The following TAFA1 variants were observed in gnomAD, a reference collection of about 807,000 sequenced individuals.
TAFA1 encodes chemokine-like protein TAFA-1.
TAFA1 carries 4 observed loss-of-function variants against 18.5 expected under a neutral mutation model. That is an observed-to-expected ratio of 0.22 (90% CI 0.11 to 0.49). TAFA1 has a LOEUF of 0.49. Ranked by LOEUF, TAFA1 falls within the 20% of genes least tolerant of loss-of-function variation. The pLI is 0.98. For synonymous variants in TAFA1, 56 were observed against 55.2 expected, an observed-to-expected ratio of 1.01 and a Z score of -0.06; for missense variants, 147 against 169.0, an observed-to-expected ratio of 0.87 and a Z score of 0.72.
At chr3:68,450,072 A>G (rs942055618) in intron 3 of TAFA1, among the ~76,000 whole-genome samples, 5 of 152,182 alleles carry the variant, frequency 3.3e-5, no homozygotes, top group African/African-American at 1.2e-4. Context: ...GCCATGATCC[A>G]CACAAGGAAT....
At chr3:68,089,155 G>C (rs2065004064) in intron 2 of TAFA1, among the ~76,000 whole-genome samples, 1 of 152,088 alleles carries the variant, frequency 6.6e-6, no homozygotes, top group African/African-American at 2.4e-5. Context: ...CTGGATATGT[G>C]AGCCTGAAAC....
At chr3:68,512,661 G>A (rs942845306) in intron 3 of TAFA1, among the ~76,000 whole-genome samples, 1 of 147,526 alleles carries the variant, frequency 6.8e-6, no homozygotes, top group Non-Finnish European at 1.5e-5. Context: ...AAAGAGTTCT[G>A]GGTGGTTTTT....
chr3:68,282,864 G>A (rs1316366168), intron 2 of TAFA1, among the ~76,000 whole-genome samples: 1 of 152,082 alleles, frequency 6.6e-6, no homozygotes, highest in African/African-American at 2.4e-5. Flanking sequence ...CTAAACTGTT[G>A]GTCAGCTGAT....
chr3:68,396,416 A>G (rs1330011027), intron 2 of TAFA1, among the ~76,000 whole-genome samples: 1 of 152,076 alleles, frequency 6.6e-6, no homozygotes. Flanking sequence ...TACTGTCCCA[A>G]CTTCTAGCAC....
At position 68,167,515 on chromosome 3, in the gene TAFA1, T is replaced by C. The variant is rs149480564; in HGVS notation, c.118+160771T>C. Reference sequence around the variant, plus strand: ...TGGCCTGGACCTGGGAGGCGGAGCTTGTAGTGAGCCGAGATCAAGCCACTG... The same window carrying C: ...TGGCCTGGACCTGGGAGGCGGAGCTCGTAGTGAGCCGAGATCAAGCCACTG... On this transcript the variant is annotated intron_variant, in intron 2 of 4. Transcript: ENST00000478136. Among the ~76,000 whole-genome samples the C allele has an allele frequency of 3.5e-3, 525 of 149,274 alleles. 2 individuals are homozygous for C. The highest frequency in any genetic ancestry group is 0.012 in the African/African-American group (485 of 40,132).
intron 2 of TAFA1, among the ~76,000 whole-genome samples, chr3:68,341,861 C>A (rs572829838): frequency 4.6e-5 from 7 of 152,262 alleles, no homozygotes; most frequent in Non-Finnish European, 1.0e-4. Context: ...CTCAGTTATT[C>A]AGTTTGGCTG....
intron 2 of TAFA1, among the ~76,000 whole-genome samples, chr3:68,413,484 T>C (rs4277695): frequency 0.18 from 27,966 of 152,170 alleles, 3,348 homozygotes; most frequent in East Asian, 0.44. Context: ...GTTGCATGGC[T>C]ATATTGCTTG....
chr3:68,406,048 A>T (rs1453256720), intron 2 of TAFA1, among the ~76,000 whole-genome samples: 3 of 152,126 alleles, frequency 2.0e-5, no homozygotes, highest in Non-Finnish European at 4.4e-5. Flanking sequence ...AAATTTAGGC[A>T]TTTTGCTTAC....
At chr3:68,216,286 A>G (rs2066656486) in intron 2 of TAFA1, among the ~76,000 whole-genome samples, 1 of 152,068 alleles carries the variant, frequency 6.6e-6, no homozygotes, top group Non-Finnish European at 1.5e-5. Flanking sequence ...GAATGCACAT[A>G]CAATGGACCT....
chr3:68,215,140 A>AT (rs1449144609), intron 2 of TAFA1, among the ~76,000 whole-genome samples: 1 of 152,086 alleles, frequency 6.6e-6, no homozygotes, highest in African/African-American at 2.4e-5. Flanking sequence ...AAAACCTGAC[A>AT]TAATGTATAT....
chr3:68,417,169 T>C (rs2106796566), intron 2 of TAFA1, 111 bp from the exon 3 acceptor site: 1 of 785,258 alleles, frequency 1.3e-6, no homozygotes, highest in Non-Finnish European at 2.1e-6. Flanking sequence ...TCATGGAAAC[T>C]GTTTCTATAA....
intron 2 of TAFA1, among the ~76,000 whole-genome samples, chr3:68,401,822 T>G (rs2070499906): frequency 6.6e-6 from 1 of 152,046 alleles, no homozygotes; most frequent in South Asian, 2.1e-4. Flanking sequence ...CTCCATGAAC[T>G]GAAAATGGGG....
Position 68,055,276 on chromosome 3 carries a change from C to T in TAFA1, c.118+48532C>T, listed in dbSNP as rs529723754. ...TTATAATCCAACTCTTAAGTGTCATCGGTAGATACTCATGTGTGTGTATGT... is the reference window on the plus strand; with the variant it reads ...TTATAATCCAACTCTTAAGTGTCATTGGTAGATACTCATGTGTGTGTATGT... On this transcript the variant is annotated intron_variant, in intron 2 of 4. Transcript: ENST00000478136. 1.9e-3 allele frequency among the ~76,000 whole-genome samples: 282 copies of T among 152,176 alleles called. 2 individuals are homozygous for T. Among genetic ancestry groups the T allele is most frequent in the African/African-American group, 6.5e-3 (268 of 41,514 alleles).
At chr3:68,424,998 T>C (rs1214250996) in intron 3 of TAFA1, among the ~76,000 whole-genome samples, 3 of 151,986 alleles carry the variant, frequency 2.0e-5, no homozygotes, top group Non-Finnish European at 2.9e-5. Context: ...TGCCCGAAGA[T>C]AGCTAAGTGT....
intron 2 of TAFA1, among the ~76,000 whole-genome samples, chr3:68,007,893 T>A (rs1164772219): frequency 6.6e-6 from 1 of 152,334 alleles, no homozygotes; most frequent in East Asian, 1.9e-4. Flanking sequence ...GCTTGCTGCC[T>A]CCTGGGGCTC....
chr3:68,122,193 A>G (rs1255808291), intron 2 of TAFA1, among the ~76,000 whole-genome samples: 1 of 151,878 alleles, frequency 6.6e-6, no homozygotes, highest in African/African-American at 2.4e-5. Context: ...ACTGTTCTTT[A>G]TATATTTTTT....
chr3:68,343,993 G>A (rs900051047), intron 2 of TAFA1, among the ~76,000 whole-genome samples: 13 of 152,120 alleles, frequency 8.5e-5, no homozygotes, highest in African/African-American at 2.2e-4. Flanking sequence ...ACAGGCATGC[G>A]CCACCACGCC....
At chr3:68,324,656 C>G (rs1344347339) in intron 2 of TAFA1, among the ~76,000 whole-genome samples, 2 of 152,134 alleles carry the variant, frequency 1.3e-5, no homozygotes, top group Non-Finnish European at 2.9e-5. Context: ...ACACAAAGGT[C>G]ACATAATTAG....
At chr3:68,444,151 T>C (rs1251893009) in intron 3 of TAFA1, among the ~76,000 whole-genome samples, 1 of 152,148 alleles carries the variant, frequency 6.6e-6, no homozygotes, top group African/African-American at 2.4e-5. Flanking sequence ...ACCTTGGAGC[T>C]CCATAGCTCT....
Sources: gnomAD v4.1 joint callset for allele counts (sites outside exome capture counted in the v4.1 genomes callset) on GRCh38, gnomAD v4.1.1 for gene constraint, MANE v1.5 for transcripts, NCBI Gene and HGNC (gene_info 2026-07-23, HGNC 2026-07-21) for gene names.